Variants in UTS2B observed in about 807,000 individuals in gnomAD.
UTS2B encodes the protein urotensin 2B, also known as urotensin-2B.
Under a neutral mutation model 19.2 loss-of-function variants are expected in UTS2B, and 21 were observed. That is an observed-to-expected ratio of 1.09 (90% CI 0.78 to 1.58). The LOEUF is 1.58. Ranked by LOEUF, UTS2B falls within the 40% of genes most tolerant of loss-of-function variation. UTS2B has a pLI of 0.00. For synonymous variants in UTS2B, 57 were observed against 50.2 expected (o/e 1.14, Z -0.58); for missense variants, 138 against 130.3 (o/e 1.06, Z -0.29).
the UTS2B span, among the ~76,000 whole-genome samples, chr3:191,340,756 T>A: frequency 2.6e-5 from 4 of 152,340 alleles, 2 homozygotes; most frequent in South Asian, 8.3e-4. Flanking sequence ...GGCGGACATA[T>A]GAGGTTAGAA....
the UTS2B span, among the ~76,000 whole-genome samples, chr3:191,336,853 G>T: frequency 2.6e-5 from 4 of 152,200 alleles, no homozygotes; most frequent in East Asian, 7.7e-4. Context: ...TAAAGAATGA[G>T]CAGTAATCCT....
At chr3:191,297,192 A>G (rs9835846) in intron 4 of UTS2B, among the ~76,000 whole-genome samples, 99,776 of 151,918 alleles carry the variant, frequency 0.66, 32,747 homozygotes, top group African/African-American at 0.67. Flanking sequence ...TCTGACTCAT[A>G]GAGTAATATT....
At chr3:191,342,695 G>A in the UTS2B span, among the ~76,000 whole-genome samples, 1 of 152,182 alleles carries the variant, frequency 6.6e-6, no homozygotes, top group Non-Finnish European at 1.5e-5. Context: ...TTGAGGGCTT[G>A]TGTAAGTGCC....
intron 4 of UTS2B, among the ~76,000 whole-genome samples, chr3:191,301,782 C>T (rs1717009997): frequency 2.0e-5 from 3 of 152,294 alleles, no homozygotes; most frequent in South Asian, 2.1e-4. Context: ...AGCCACCACG[C>T]CCGGCCAATT....
At chr3:191,275,226 C>T (rs771296159) in intron 8 of UTS2B, 26 bp downstream of exon 8, 8 of 1,542,656 alleles carry the variant, frequency 5.2e-6, no homozygotes, top group Non-Finnish European at 7.1e-6. Flanking sequence ...GGAAGTCAAT[C>T]TTAAAACCTT....
At chr3:191,275,759 A>G (rs934205516) in intron 7 of UTS2B, among the ~76,000 whole-genome samples, 2 of 152,130 alleles carry the variant, frequency 1.3e-5, no homozygotes, top group Non-Finnish European at 1.5e-5. Context: ...AAGAAAAAAA[A>G]AGAGAGAAAA....
chr3:191,338,740 T>C, the UTS2B span, among the ~76,000 whole-genome samples: 1 of 152,228 alleles, frequency 6.6e-6, no homozygotes, highest in Non-Finnish European at 1.5e-5. Flanking sequence ...CTTTTTGTTG[T>C]ATGAGTTGTT....
At chr3:191,279,830 A>G (rs886919003) in intron 5 of UTS2B, among the ~76,000 whole-genome samples, 1 of 152,094 alleles carries the variant, frequency 6.6e-6, no homozygotes, top group Admixed American at 6.6e-5. Context: ...CTAAAGTAAG[A>G]TATTGGCTAA....
rs183692747 is a variant in UTS2B at position 191,323,180 on chromosome 3, G to A, written c.-586+5451C>T. Reference sequence around the variant, plus strand: ...TTATTTATTTTTGAGACAGACTCTCGCTGTCGCCCAGGCTAGAGTGCAGTG... The same window carrying A: ...TTATTTATTTTTGAGACAGACTCTCACTGTCGCCCAGGCTAGAGTGCAGTG... On this transcript the variant is annotated intron_variant, in intron 2 of 8. Transcript: ENST00000340524. Among the ~76,000 whole-genome samples, 7 of 118,750 alleles carry A rather than the reference G, an allele frequency of 5.9e-5. No individual in the cohort carries two copies. In the East Asian group the frequency reaches 1.1e-3, roughly 19 times the overall value. The allele number at this position is 118,750 out of a possible 152,430, so 77.9% of individuals were successfully genotyped here. A position where few individuals can be genotyped will look rare whatever the true frequency, so the allele number is the denominator to read the frequency against.
At chr3:191,334,280 G>T (rs1325796344), upstream of UTS2B, among the ~76,000 whole-genome samples, 1 of 152,132 alleles carries the variant, frequency 6.6e-6, no homozygotes, top group Non-Finnish European at 1.5e-5. Context: ...CACCAAAAAT[G>T]GCTTTCACAA....
At chr3:191,314,858 T>G (rs1717402853) in intron 3 of UTS2B, among the ~76,000 whole-genome samples, 1 of 152,150 alleles carries the variant, frequency 6.6e-6, no homozygotes, top group Non-Finnish European at 1.5e-5. Context: ...TTCTGGAGGA[T>G]GGGGCTCCCA....
At chr3:191,340,644 G>A in the UTS2B span, among the ~76,000 whole-genome samples, 1 of 152,096 alleles carries the variant, frequency 6.6e-6, no homozygotes, top group Non-Finnish European at 1.5e-5. Flanking sequence ...TGGACATTCA[G>A]CTGAAAAAGT....
chr3:191,305,196 G>A (rs1033730919), intron 3 of UTS2B, among the ~76,000 whole-genome samples: 1 of 152,158 alleles, frequency 6.6e-6, no homozygotes, highest in Non-Finnish European at 1.5e-5. Flanking sequence ...TAATGGGATT[G>A]CTGGGTCAAA....
At chr3:191,335,019 A>T (rs1718095982), upstream of UTS2B, among the ~76,000 whole-genome samples, 1 of 152,184 alleles carries the variant, frequency 6.6e-6, no homozygotes, top group African/African-American at 2.4e-5. Flanking sequence ...CATTCTAAAG[A>T]GGCTAATATT....
At chr3:191,311,315 T>C (rs1224608440) in intron 3 of UTS2B, among the ~76,000 whole-genome samples, 1 of 152,262 alleles carries the variant, frequency 6.6e-6, no homozygotes, top group Non-Finnish European at 1.5e-5. Context: ...TATACTTGCA[T>C]GTATCTAGTT....
At chr3:191,291,578 G>A (rs1178023079) in intron 4 of UTS2B, among the ~76,000 whole-genome samples, 1 of 151,820 alleles carries the variant, frequency 6.6e-6, no homozygotes, top group Non-Finnish European at 1.5e-5. Flanking sequence ...TCAGCCTCCT[G>A]AGTAGCTGGG....
intron 2 of UTS2B, among the ~76,000 whole-genome samples, chr3:191,325,169 G>A (rs1254329031): frequency 1.3e-5 from 2 of 152,300 alleles, no homozygotes; most frequent in East Asian, 1.9e-4. Context: ...ATGACAGAGA[G>A]TGAGAAAAAA....
the UTS2B span, among the ~76,000 whole-genome samples, chr3:191,335,860 G>A: frequency 6.6e-6 from 1 of 151,966 alleles, no homozygotes; most frequent in Non-Finnish European, 1.5e-5. Context: ...TGACAAATGT[G>A]TAGTCTTGGA....
rs1253141476 is a variant in UTS2B at position 191,267,959 on chromosome 3, T to G, written c.*457A>C. The G allele has an allele frequency of 1.3e-5, 2 of 152,320 alleles. No individual in the cohort carries two copies. Among genetic ancestry groups the G allele is most frequent in the African/African-American group, 4.8e-5 (2 of 41,444 alleles). 9.4% of individuals were successfully genotyped at this position (152,320 alleles called of 1,614,324 possible). A position where few individuals can be genotyped will look rare whatever the true frequency, so the allele number is the denominator to read the frequency against. ...ACAGGACATGAAGCTAGACAACCGC[T>G]TAGACCAGAAATTCTCAGAAGGAAA... is the stretch of plus-strand genomic sequence containing the variant. On this transcript the variant is annotated 3_prime_UTR_variant, in exon 9 of 9. Transcript: ENST00000340524.
Sources: gnomAD v4.1 joint callset for allele counts (sites outside exome capture counted in the v4.1 genomes callset) on GRCh38, gnomAD v4.1.1 for gene constraint, MANE v1.5 for transcripts, NCBI Gene and HGNC (gene_info 2026-07-23, HGNC 2026-07-21) for gene names.